Variants in ZNF597 observed in about 807,000 individuals in gnomAD.
ZNF597 encodes the protein zinc finger protein 597.
Under a neutral mutation model 7.3 loss-of-function variants are expected in ZNF597, and 5 were observed. The ratio of observed to expected loss-of-function variants is 0.68; its 90% confidence interval spans 0.36 to 1.44. The LOEUF (loss-of-function observed/expected upper bound fraction) is 1.44. ZNF597 is among the 40% of genes most tolerant of loss of function. The pLI is 0.04. For synonymous variants in ZNF597, 209 were observed against 185.4 expected, an observed-to-expected ratio of 1.13 and a Z score of -1.04; for missense variants, 585 against 517.9, an observed-to-expected ratio of 1.13 and a Z score of -1.26.
chr16:3,437,702 G>A (rs1048502654), intron 3 of ZNF597, among the ~76,000 whole-genome samples, 164 bp from the exon 4 acceptor site: 1 of 151,540 alleles, frequency 6.6e-6, no homozygotes, highest in African/African-American at 2.4e-5. Context: ...AGACTCTCCT[G>A]GCCTCCCAGA....
chr16:3,443,274 C>G (rs914677951), intron 1 of ZNF597, 68 bp from the exon 2 acceptor site: 9 of 1,007,422 alleles, frequency 8.9e-6, no homozygotes, highest in Admixed American at 2.7e-5. Flanking sequence ...TACCCCTAGC[C>G]TCCCTCGATT....
chr16:3,438,238 C>T (rs910869431), intron 3 of ZNF597, among the ~76,000 whole-genome samples: 8 of 138,986 alleles, frequency 5.8e-5, no homozygotes, highest in Non-Finnish European at 1.2e-4. Flanking sequence ...AAAAAGATGA[C>T]AGCAAGAATG....
At chr16:3,442,284 A>T (rs917838876) in intron 2 of ZNF597, among the ~76,000 whole-genome samples, 2 of 151,994 alleles carry the variant, frequency 1.3e-5, no homozygotes, top group Non-Finnish European at 2.9e-5. Flanking sequence ...GAACCATTCC[A>T]GAAAGTCACT....
At chr16:3,438,317 T>C (rs992901795) in intron 3 of ZNF597, among the ~76,000 whole-genome samples, 2 of 151,802 alleles carry the variant, frequency 1.3e-5, no homozygotes, top group Admixed American at 1.3e-4. Context: ...CCCAGCACTT[T>C]GGGAGGCCGA....
chr16:3,440,039 A>G (rs2034349275), intron 3 of ZNF597, among the ~76,000 whole-genome samples: 1 of 152,150 alleles, frequency 6.6e-6, no homozygotes, highest in African/African-American at 2.4e-5. Context: ...GAGTATCTCA[A>G]CTATTCCAAA....
At chr16:3,440,998 A>G in intron 2 of ZNF597, 65 bp from the exon 3 acceptor site, 1 of 1,561,876 alleles carries the variant, frequency 6.4e-7, no homozygotes, top group Non-Finnish European at 8.6e-7. Context: ...TAACCTAGGA[A>G]GGATGAAAAG....
intron 2 of ZNF597, among the ~76,000 whole-genome samples, chr16:3,442,880 T>A (rs2034410880): frequency 6.6e-6 from 1 of 152,054 alleles, no homozygotes; most frequent in Non-Finnish European, 1.5e-5. Context: ...GATAAGACAT[T>A]GAGAAACTCT....
At position 3,436,138 on chromosome 16, in the gene ZNF597, G is replaced by T; in HGVS notation, c.*286C>A. The T allele has an allele frequency of 3.0e-6, 1 of 329,198 alleles. No homozygotes were observed. Among genetic ancestry groups the T allele is most frequent in the African/African-American group, 2.1e-5 (1 of 46,926 alleles). 20.4% of individuals were successfully genotyped at this position (329,198 alleles called of 1,614,324 possible). On this transcript the variant is annotated 3_prime_UTR_variant, in exon 4 of 4. Coordinates refer to ENST00000301744, the MANE Select transcript of ZNF597 (RefSeq NM_152457.3). ...CTTTAGCAAGAGCCTTCATTTTAAT[G>T]AAAATTGAATTTAAACAAAAGTTGT...
chr16:3,437,837 A>T (rs764824749), intron 3 of ZNF597, among the ~76,000 whole-genome samples: 1 of 152,226 alleles, frequency 6.6e-6, no homozygotes, highest in Non-Finnish European at 1.5e-5. Flanking sequence ...TTTTCCATCT[A>T]ATCTATTTAG....
chr16:3,441,587 G>C (rs1222224903), intron 2 of ZNF597, among the ~76,000 whole-genome samples: 2 of 152,170 alleles, frequency 1.3e-5, no homozygotes, highest in African/African-American at 4.8e-5. Context: ...TTGGGAGGCT[G>C]AGGCAGGAGA....
chr16:3,442,974 G>GT, intron 2 of ZNF597, 147 bp downstream of exon 2: 1 of 918,864 alleles, frequency 1.1e-6, no homozygotes, highest in Non-Finnish European at 1.7e-6. Flanking sequence ...GTGTGGTCTT[G>GT]GAACGAAGAA....
rs1269470472 is a variant in ZNF597, at chr16:3,433,782, A to G, written c.*2642T>C. ...TAAGTACAACTGCACAATAAGCACA[A>G]CTGAAAATATGCCTCTTTCACAGTA... is the stretch of plus-strand genomic sequence containing the variant. On this transcript the variant is annotated 3_prime_UTR_variant, in exon 4 of 4. Transcript: ENST00000301744. 2 of 152,224 alleles carry G rather than the reference A, an allele frequency of 1.3e-5. No homozygotes were observed. The highest frequency in any genetic ancestry group is 4.8e-5 in the African/African-American group (2 of 41,464). The allele number at this position is 152,224 out of a possible 1,614,324, so 9.4% of individuals were successfully genotyped here.
intron 3 of ZNF597, among the ~76,000 whole-genome samples, chr16:3,438,569 AAAT>A (rs1034601791): frequency 5.3e-5 from 8 of 151,716 alleles, no homozygotes; most frequent in Admixed American, 2.6e-4. Context: ...TCTCAAAAAA[AAAT>A]AATAATAATA....
chr16:3,443,370 T>C lies in ZNF597; in HGVS notation c.-64A>G. The C allele has an allele frequency of 1.8e-6, 1 of 561,868 alleles. No individual in the cohort carries two copies. The highest frequency in any genetic ancestry group is 3.1e-6 in the Non-Finnish European group (1 of 325,590). The allele number at this position is 561,868 out of a possible 1,614,324, so 34.8% of individuals were successfully genotyped here. A position where few individuals can be genotyped will look rare whatever the true frequency, so the allele number is the denominator to read the frequency against. ...AAGGGGCCCACTTACCGCTCCGCGGTTAATAACAGGCCTCGCGCTCCCTGA... is the reference window on the plus strand; with the variant it reads ...AAGGGGCCCACTTACCGCTCCGCGGCTAATAACAGGCCTCGCGCTCCCTGA... On this transcript the variant is annotated 5_prime_UTR_variant, in exon 1 of 4. Transcript: ENST00000301744.
At chr16:3,439,966 G>GA (rs1330017536) in intron 3 of ZNF597, among the ~76,000 whole-genome samples, 1 of 152,112 alleles carries the variant, frequency 6.6e-6, no homozygotes, top group Non-Finnish European at 1.5e-5. Flanking sequence ...AGAAGTGGAA[G>GA]AAACAAAATA....
rs1039287752 is a variant in ZNF597, at chr16:3,434,401, G to A, written c.*2023C>T. 1 of 152,182 alleles carries A rather than the reference G, an allele frequency of 6.6e-6. No homozygotes were observed. Among genetic ancestry groups the A allele is most frequent in the African/African-American group, 2.4e-5 (1 of 41,432 alleles). 9.4% of individuals were successfully genotyped at this position (152,182 alleles called of 1,614,324 possible). Reference sequence around the variant, plus strand: ...AGTTGCCTAATAAGTAATCTAACTGGAGACTATCTTTCTACACATTTCAAA... The same window carrying A: ...AGTTGCCTAATAAGTAATCTAACTGAAGACTATCTTTCTACACATTTCAAA... On this transcript the variant is annotated 3_prime_UTR_variant, in exon 4 of 4. Coordinates refer to ENST00000301744, the MANE Select transcript of ZNF597 (RefSeq NM_152457.3).
intron 3 of ZNF597, 25 bp downstream of exon 3, chr16:3,440,782 G>A: frequency 6.2e-7 from 1 of 1,612,404 alleles, no homozygotes; most frequent in East Asian, 2.2e-5. Context: ...AAAAGTTCCA[G>A]ATGCAGGAAA....
chr16:3,442,315 G>T (rs1457138903), intron 2 of ZNF597, among the ~76,000 whole-genome samples: 1 of 142,510 alleles, frequency 7.0e-6, no homozygotes, highest in African/African-American at 2.6e-5. Flanking sequence ...GCACTTTGGG[G>T]AGCCGAGGTG....
chr16:3,441,686 C>T (rs1251056933), intron 2 of ZNF597, among the ~76,000 whole-genome samples: 2 of 151,088 alleles, frequency 1.3e-5, no homozygotes, highest in African/African-American at 4.9e-5. Flanking sequence ...AACTCCGTCT[C>T]AAGCAGAGCT....
Sources: allele counts gnomAD v4.1 joint callset (sites outside exome capture counted in the v4.1 genomes callset), GRCh38; gene constraint gnomAD v4.1.1; transcripts MANE v1.5; gene names NCBI Gene and HGNC (gene_info 2026-07-23, HGNC 2026-07-21).